GLCE: variants seen among roughly 807,000 people sequenced by gnomAD.
GLCE encodes the protein glucuronic acid epimerase, also known as D-glucuronyl C5-epimerase.
In GLCE, 19 loss-of-function variants were observed where a neutral mutation model predicts 47.9. The ratio of observed to expected loss-of-function variants is 0.40; its 90% CI spans 0.28 to 0.58. GLCE has a LOEUF of 0.58. GLCE is among the 20% of genes least tolerant of loss of function. The pLI is 0.48. For missense variants in GLCE, 556 were observed against 743.3 expected (o/e 0.75, Z 2.93); for synonymous variants, 245 against 263.4 (o/e 0.93, Z 0.68).
chr15:69,216,269 T>C (rs1276880256), intron 2 of GLCE, among the ~76,000 whole-genome samples: 3 of 152,136 alleles, frequency 2.0e-5, no homozygotes, highest in African/African-American at 7.2e-5. Flanking sequence ...TTAGAGTCTT[T>C]GGTGAGATCT....
Position 69,186,825 on chromosome 15 carries a change from A to G in GLCE, c.-104-23491A>G, listed in dbSNP as rs187961815. On this transcript the variant is annotated intron_variant, in intron 1 of 4. Transcript: ENST00000261858. Reference sequence around the variant, plus strand: ...TAGGGCTTTGTGTAGCTTACAAGGTATGACAGATACATTTATTCAAATTAT... The same window carrying G: ...TAGGGCTTTGTGTAGCTTACAAGGTGTGACAGATACATTTATTCAAATTAT... 2.6e-5 allele frequency among the ~76,000 whole-genome samples: 4 copies of G among 152,316 alleles called. No homozygotes were observed. The East Asian group carries it at 7.7e-4, about 29-fold the overall frequency.
intron 2 of GLCE, among the ~76,000 whole-genome samples, chr15:69,219,191 A>G (rs1298304595): frequency 6.6e-6 from 1 of 152,066 alleles, no homozygotes; most frequent in Non-Finnish European, 1.5e-5. Context: ...ATATAAATTT[A>G]TCTATAGTCC....
intron 2 of GLCE, among the ~76,000 whole-genome samples, chr15:69,225,172 C>CTT (rs35793132): frequency 1.3e-5 from 2 of 148,774 alleles, no homozygotes; most frequent in Non-Finnish European, 3.0e-5. Context: ...TATTTTAAAG[C>CTT]TTTTTTTTTT....
chr15:69,252,282 G>C (rs9673008), intron 2 of GLCE, among the ~76,000 whole-genome samples: 18,680 of 152,160 alleles, frequency 0.12, 1,223 homozygotes, highest in East Asian at 0.16. Flanking sequence ...GCTTAAAATT[G>C]GCTCACAATT....
intron 2 of GLCE, among the ~76,000 whole-genome samples, chr15:69,229,118 C>T (rs1338971606): frequency 6.6e-6 from 1 of 152,058 alleles, no homozygotes; most frequent in Non-Finnish European, 1.5e-5. Context: ...GCAAAGTAGA[C>T]ATTAAGGCAA....
At chr15:69,169,109 T>C (rs1187245720) in intron 1 of GLCE, among the ~76,000 whole-genome samples, 1 of 152,252 alleles carries the variant, frequency 6.6e-6, no homozygotes, top group Non-Finnish European at 1.5e-5. Flanking sequence ...ATCATTCTTT[T>C]ATGTCTAATT....
chr15:69,244,552 TATA>T (rs1193717516), intron 2 of GLCE, among the ~76,000 whole-genome samples: 5 of 152,162 alleles, frequency 3.3e-5, no homozygotes, highest in Non-Finnish European at 7.4e-5. Flanking sequence ...GCTTCTGAAA[TATA>T]ATATTTATAT....
intron 2 of GLCE, among the ~76,000 whole-genome samples, chr15:69,222,101 C>G (rs986217487): frequency 6.6e-6 from 1 of 152,200 alleles, no homozygotes; most frequent in Admixed American, 6.5e-5. Flanking sequence ...TTCAGCTTTA[C>G]GCTCATGGGC....
At chr15:69,162,023 G>C (rs1357829666) in intron 1 of GLCE, among the ~76,000 whole-genome samples, 1 of 152,170 alleles carries the variant, frequency 6.6e-6, no homozygotes, top group Non-Finnish European at 1.5e-5. Flanking sequence ...ATAGTGCAGG[G>C]AAGCGTGTTC....
At chr15:69,245,325 T>C (rs2052731510) in intron 2 of GLCE, among the ~76,000 whole-genome samples, 1 of 118,162 alleles carries the variant, frequency 8.5e-6, no homozygotes. Flanking sequence ...AGAGCAAGAC[T>C]CTGTCTCAAA....
At chr15:69,224,183 G>A (rs1381796586) in intron 2 of GLCE, among the ~76,000 whole-genome samples, 4 of 152,074 alleles carry the variant, frequency 2.6e-5, no homozygotes, top group African/African-American at 9.7e-5. Context: ...TGCTAAGTCT[G>A]GAAATCAGAT....
intron 2 of GLCE, among the ~76,000 whole-genome samples, chr15:69,252,615 G>T (rs931699124): frequency 2.0e-5 from 3 of 152,160 alleles, no homozygotes; most frequent in African/African-American, 7.2e-5. Context: ...CAGTAGCCTT[G>T]TTCCATAAGC....
intron 1 of GLCE, among the ~76,000 whole-genome samples, chr15:69,187,150 A>G (rs149684357): frequency 2.6e-4 from 40 of 152,290 alleles, no homozygotes; most frequent in African/African-American, 7.9e-4. Flanking sequence ...TCTCATTACT[A>G]TTGGTTTGAA....
At chr15:69,208,878 T>C (rs747771339) in intron 1 of GLCE, among the ~76,000 whole-genome samples, 12 of 152,122 alleles carry the variant, frequency 7.9e-5, no homozygotes, top group Non-Finnish European at 1.3e-4. Flanking sequence ...TTTATGGAGC[T>C]ATTTTGAACG....
At chr15:69,208,911 T>G (rs1376200787) in intron 1 of GLCE, among the ~76,000 whole-genome samples, 1 of 152,082 alleles carries the variant, frequency 6.6e-6, no homozygotes, top group East Asian at 1.9e-4. Context: ...AATGTGAGGG[T>G]TCCAAATTGT....
At chr15:69,205,546 T>C (rs1003996781) in intron 1 of GLCE, among the ~76,000 whole-genome samples, 11 of 152,156 alleles carry the variant, frequency 7.2e-5, no homozygotes, top group Middle Eastern at 6.3e-3. Context: ...ATGGTAAATA[T>C]TTATTGTCAA....
chr15:69,238,731 A>G lies in GLCE; in HGVS notation c.-13-17063A>G, dbSNP rs566962203. ...GTTGCCATACAGGTAACAAAACCCA[A>G]TAGAATAGTTTGAAAATGAACATAC... On this transcript the variant is annotated intron_variant, in intron 2 of 4. Coordinates refer to ENST00000261858, the MANE Select transcript of GLCE (RefSeq NM_015554.3). Among the ~76,000 whole-genome samples the G allele has an allele frequency of 1.6e-4, 25 of 152,352 alleles. No homozygotes were observed. In the South Asian group the frequency reaches 2.5e-3, roughly 15 times the overall value.
intron 2 of GLCE, among the ~76,000 whole-genome samples, chr15:69,218,689 T>C (rs2052339663): frequency 6.6e-6 from 1 of 152,210 alleles, no homozygotes; most frequent in South Asian, 2.1e-4. Flanking sequence ...ATGTGTGTTA[T>C]ACAAGAGAAC....
intron 1 of GLCE, among the ~76,000 whole-genome samples, chr15:69,190,200 A>G (rs895364627): frequency 2.0e-5 from 3 of 152,072 alleles, no homozygotes; most frequent in East Asian, 1.9e-4. Flanking sequence ...AGAATGTTTT[A>G]TGGCTCAGAA....
Sources: gnomAD v4.1 joint callset for allele counts (sites outside exome capture counted in the v4.1 genomes callset) on GRCh38, gnomAD v4.1.1 for gene constraint, MANE v1.5 for transcripts, NCBI Gene and HGNC (gene_info 2026-07-23, HGNC 2026-07-21) for gene names.